Variants in NEK10 observed in about 807,000 individuals in gnomAD.
The protein encoded by NEK10 is serine/threonine-protein kinase Nek10.
Under a neutral mutation model 159.8 loss-of-function variants are expected in NEK10, and 122 were observed. The ratio of observed to expected loss-of-function variants is 0.76; its 90% CI spans 0.66 to 0.89. The LOEUF (loss-of-function observed/expected upper bound fraction) is 0.89. Ranked by LOEUF, NEK10 falls within the 40% of genes least tolerant of loss-of-function variation. NEK10 has a pLI of 0.00. For missense variants in NEK10, 1,342 were observed against 1,323.1 expected, an observed-to-expected ratio of 1.01 and a Z score of -0.22; for synonymous variants, 466 against 457.1, an observed-to-expected ratio of 1.02 and a Z score of -0.25.
intron 5 of NEK10, among the ~76,000 whole-genome samples, chr3:27,323,454 C>T (rs963962965): frequency 3.3e-5 from 5 of 152,056 alleles, no homozygotes; most frequent in African/African-American, 1.2e-4. Context: ...AGGGTGAGAA[C>T]GGGAGGATTC....
At chr3:27,154,127 C>T (rs1454859215) in intron 30 of NEK10, among the ~76,000 whole-genome samples, 1 of 152,074 alleles carries the variant, frequency 6.6e-6, no homozygotes, top group Admixed American at 6.5e-5. Flanking sequence ...GATATTACAA[C>T]TGACACTATG....
At chr3:27,200,116 T>TA (rs998329522) in intron 25 of NEK10, among the ~76,000 whole-genome samples, 1 of 152,186 alleles carries the variant, frequency 6.6e-6, no homozygotes, top group African/African-American at 2.4e-5. Flanking sequence ...TTAAAAATTT[T>TA]AAAAAAATCA....
At position 27,365,610 on chromosome 3, in the gene NEK10, G is replaced by GTTTTTTTTTTTTTT. The variant is rs71091129; in HGVS notation, c.-38+3601_-38+3614dup. Among the ~76,000 whole-genome samples the GTTTTTTTTTTTTTT allele has an allele frequency of 6.4e-4, 63 of 99,108 alleles. 1 individual carries two copies. The highest frequency in any genetic ancestry group is 1.2e-3 in the African/African-American group (30 of 25,126). 65.0% of individuals were successfully genotyped at this position (99,108 alleles called of 152,430 possible). On this transcript the variant is annotated intron_variant, in intron 1 of 35. Transcript: ENST00000691995. ...TTGGTTTTTTGTGTTTTTTTTTTGT[G>GTTTTTTTTTTTTTT]TTTTTTTTTTTTTTTTTTTTGAGAT...
chr3:27,224,182 C>T (rs1952398041), intron 23 of NEK10, among the ~76,000 whole-genome samples: 1 of 152,240 alleles, frequency 6.6e-6, no homozygotes, highest in South Asian at 2.1e-4. Context: ...AAGTATTTCC[C>T]TTCCCAGATC....
chr3:27,231,646 G>A (rs1397324085), intron 23 of NEK10, among the ~76,000 whole-genome samples: 1 of 151,864 alleles, frequency 6.6e-6, no homozygotes, highest in Non-Finnish European at 1.5e-5. Flanking sequence ...AGCTCAATTA[G>A]CAATGAAACT....
chr3:27,359,201 CAAAAA>C (rs5847459), intron 1 of NEK10, among the ~76,000 whole-genome samples: 1 of 135,110 alleles, frequency 7.4e-6, no homozygotes, highest in Admixed American at 7.5e-5. Context: ...AACTCCATTT[CAAAAA>C]AAAAAAAAAA....
At chr3:27,312,608 T>A (rs1207395616) in intron 7 of NEK10, among the ~76,000 whole-genome samples, 1 of 152,206 alleles carries the variant, frequency 6.6e-6, no homozygotes, top group East Asian at 1.9e-4. Flanking sequence ...TGAATATATG[T>A]CTAACCAGCA....
chr3:27,274,801 C>T (rs1333726812), intron 22 of NEK10, among the ~76,000 whole-genome samples: 1 of 152,046 alleles, frequency 6.6e-6, no homozygotes, highest in East Asian at 1.9e-4. Flanking sequence ...TAATCAGAAG[C>T]ATAGTACTCT....
intron 26 of NEK10, among the ~76,000 whole-genome samples, chr3:27,175,102 G>A (rs747660928): frequency 3.9e-5 from 6 of 152,038 alleles, no homozygotes; most frequent in Non-Finnish European, 5.9e-5. Flanking sequence ...ACCCAGTAGC[G>A]GGGGGAAATA....
intron 32 of NEK10, among the ~76,000 whole-genome samples, chr3:27,126,641 G>A (rs184625496): frequency 1.6e-4 from 24 of 152,062 alleles, no homozygotes; most frequent in Non-Finnish European, 2.8e-4. Context: ...TACTGAATCA[G>A]AATCCACACA....
chr3:27,215,446 T>C (rs534922045), intron 23 of NEK10, among the ~76,000 whole-genome samples: 1 of 152,222 alleles, frequency 6.6e-6, no homozygotes, highest in Admixed American at 6.5e-5. Context: ...TTATACAATA[T>C]GAAAATGACC....
rs565577128 is a variant in NEK10, at chr3:27,180,231, C to T, written c.2506-5398G>A. ...GCCAAATAGTGAAACCCCATCTCTA[C>T]TAAAAATATAAAAATTAGACAGGCA... On this transcript the variant is annotated intron_variant, in intron 26 of 35. Transcript: ENST00000691995. Among the ~76,000 whole-genome samples, 15 of 152,046 alleles carry T rather than the reference C, an allele frequency of 9.9e-5. No individual in the cohort carries two copies. In the South Asian group the frequency reaches 3.1e-3, roughly 32 times the overall value.
intron 7 of NEK10, among the ~76,000 whole-genome samples, chr3:27,312,962 T>G (rs1284526796): frequency 6.6e-6 from 1 of 152,200 alleles, no homozygotes; most frequent in East Asian, 1.9e-4. Context: ...GGCCACATGT[T>G]TATTATGAAA....
chr3:27,317,969 A>G (rs1283231134), intron 6 of NEK10, among the ~76,000 whole-genome samples: 3 of 151,876 alleles, frequency 2.0e-5, no homozygotes, highest in African/African-American at 7.3e-5. Context: ...CGCCCGGCTA[A>G]TTTTTTCTAT....
intron 1 of NEK10, among the ~76,000 whole-genome samples, chr3:27,357,356 C>T (rs995284776): frequency 2.6e-5 from 4 of 152,054 alleles, no homozygotes; most frequent in African/African-American, 7.2e-5. Context: ...GTCAACAAAT[C>T]GCTCATAAAA....
At position 27,214,856 on chromosome 3, in the gene NEK10, T is replaced by C; in HGVS notation, c.2091-12299A>G. ...ATGGAGCCTGGAAATCATGTGACAG[T>C]TGGAGTAAGCCATTCCTAATCCCAT... On this transcript the variant is annotated intron_variant, in intron 23 of 35. Transcript: ENST00000691995. The C allele has an allele frequency of 3.3e-6, 4 of 1,227,552 alleles. No homozygotes were observed. In the South Asian group the frequency reaches 3.6e-5, roughly 11 times the overall value. The allele number at this position is 1,227,552 out of a possible 1,614,324, so 76.0% of individuals were successfully genotyped here.
intron 22 of NEK10, chr3:27,278,820 A>T (rs1480864889): frequency 1.0e-6 from 1 of 985,202 alleles, no homozygotes; most frequent in Non-Finnish European, 1.2e-6. Flanking sequence ...TTCCCTCAAG[A>T]GTCATTTTGT....
In NEK10 at chr3:27,246,229, T is replaced by A. The variant is rs115050805; in HGVS notation, c.2090+10067A>T. Among the ~76,000 whole-genome samples the A allele has an allele frequency of 5.8e-3, 876 of 152,278 alleles. 8 individuals are homozygous for A. The highest frequency in any genetic ancestry group is 0.02 in the African/African-American group (837 of 41,562). On this transcript the variant is annotated intron_variant, in intron 23 of 35. Coordinates refer to ENST00000691995, the MANE Select transcript of NEK10 (RefSeq NM_001394966.1). ...TACCTACATTCACCCTTTTTTATTATGACTTTTAGGTTCAGGGGTACATCT... is the reference window on the plus strand; with the variant it reads ...TACCTACATTCACCCTTTTTTATTAAGACTTTTAGGTTCAGGGGTACATCT...
intron 29 of NEK10, among the ~76,000 whole-genome samples, chr3:27,166,018 T>C (rs1366156820): frequency 6.6e-6 from 1 of 152,188 alleles, no homozygotes; most frequent in Non-Finnish European, 1.5e-5. Context: ...ATCAATGCTA[T>C]TTGATATTGA....
Sources: allele counts gnomAD v4.1 joint callset (sites outside exome capture counted in the v4.1 genomes callset), GRCh38; gene constraint gnomAD v4.1.1; transcripts MANE v1.5; gene names NCBI Gene and HGNC (gene_info 2026-07-23, HGNC 2026-07-21).